Variants in CNTNAP2 observed in about 807,000 individuals in gnomAD.
CNTNAP2 encodes contactin associated protein 2, also known as contactin-associated protein-like 2.
A neutral mutation model predicts 155.2 loss-of-function variants in CNTNAP2; 98 were observed. The observed-to-expected ratio is 0.63, with a 90% CI of 0.54 to 0.75. The LOEUF (loss-of-function observed/expected upper bound fraction) is 0.75. CNTNAP2 is among the 30% of genes least tolerant of loss of function. The probability of loss-of-function intolerance (pLI) is 0.00; values close to 1 mark genes in which losing one functional copy is unlikely to be tolerated. For synonymous variants in CNTNAP2, 651 were observed against 631.2 expected (o/e 1.03, Z -0.47); for missense variants, 1,727 against 1,688.1 (o/e 1.02, Z -0.40).
chr7:146,505,461 C>T (rs1797369240), intron 1 of CNTNAP2, among the ~76,000 whole-genome samples: 2 of 152,218 alleles, frequency 1.3e-5, no homozygotes, highest in African/African-American at 4.8e-5. Flanking sequence ...TTCAGCACCC[C>T]ATGGTTCCTT....
chr7:146,343,826 C>T (rs1584879518), intron 1 of CNTNAP2, among the ~76,000 whole-genome samples: 1 of 151,956 alleles, frequency 6.6e-6, no homozygotes, highest in African/African-American at 2.4e-5. Context: ...TTAGTTTTTA[C>T]TCTTATCTAT....
intron 18 of CNTNAP2, among the ~76,000 whole-genome samples, chr7:148,204,778 C>T (rs918248237): frequency 1.3e-5 from 2 of 152,174 alleles, no homozygotes; most frequent in South Asian, 2.1e-4. Flanking sequence ...TTTGCACAAT[C>T]GTCGCCTAGA....
chr7:146,359,358 A>G (rs1249218711), intron 1 of CNTNAP2, among the ~76,000 whole-genome samples: 1 of 152,270 alleles, frequency 6.6e-6, no homozygotes, highest in Non-Finnish European at 1.5e-5. Flanking sequence ...GGCTTCAGTC[A>G]TCTCATCTGT....
intron 3 of CNTNAP2, among the ~76,000 whole-genome samples, chr7:146,961,240 C>A (rs1056402545): frequency 6.6e-6 from 1 of 152,074 alleles, no homozygotes; most frequent in Non-Finnish European, 1.5e-5. Flanking sequence ...TAGTAGTGAC[C>A]CCTGCAGGCA....
intron 1 of CNTNAP2, among the ~76,000 whole-genome samples, chr7:146,171,343 C>T (rs1192369761): frequency 6.6e-6 from 1 of 151,878 alleles, no homozygotes; most frequent in Non-Finnish European, 1.5e-5. Context: ...TTTCTTTGAG[C>T]CTATTTCTTT....
intron 13 of CNTNAP2, among the ~76,000 whole-genome samples, chr7:147,809,662 C>T (rs1244322050): frequency 1.3e-5 from 2 of 152,178 alleles, no homozygotes; most frequent in African/African-American, 2.4e-5. Context: ...GCTGCAGTTT[C>T]TCTTATCAGT....
intron 1 of CNTNAP2, among the ~76,000 whole-genome samples, chr7:146,368,328 T>C (rs1188062808): frequency 6.6e-6 from 1 of 152,150 alleles, no homozygotes; most frequent in African/African-American, 2.4e-5. Flanking sequence ...TATGTATGCA[T>C]ATAAAACAAA....
intron 1 of CNTNAP2, among the ~76,000 whole-genome samples, chr7:146,217,072 C>G (rs763157418): frequency 6.6e-6 from 1 of 152,166 alleles, no homozygotes; most frequent in Non-Finnish European, 1.5e-5. Flanking sequence ...TTTTAACTTT[C>G]CTTCCATGAC....
At chr7:147,781,235 A>G (rs960815899) in intron 13 of CNTNAP2, among the ~76,000 whole-genome samples, 3 of 152,198 alleles carry the variant, frequency 2.0e-5, no homozygotes, top group African/African-American at 7.2e-5. Flanking sequence ...GACTGCTGAC[A>G]TTTCATTTAC....
chr7:147,133,642 A>G (rs774780240), intron 8 of CNTNAP2, among the ~76,000 whole-genome samples: 1 of 152,012 alleles, frequency 6.6e-6, no homozygotes, highest in African/African-American at 2.4e-5. Flanking sequence ...GTTGAATTCA[A>G]TACTCTGACC....
At chr7:147,783,458 C>A (rs2116559209) in intron 13 of CNTNAP2, among the ~76,000 whole-genome samples, 1 of 152,270 alleles carries the variant, frequency 6.6e-6, no homozygotes, top group East Asian at 1.9e-4. Flanking sequence ...ATGTTGAGAT[C>A]AAAATCCTTT....
intron 13 of CNTNAP2, among the ~76,000 whole-genome samples, chr7:147,883,582 T>A (rs1799557284): frequency 6.6e-6 from 1 of 152,076 alleles, no homozygotes; most frequent in Admixed American, 6.5e-5. Flanking sequence ...CATAGAAAAA[T>A]TGCAGCTATT....
intron 14 of CNTNAP2, among the ~76,000 whole-genome samples, chr7:147,976,896 T>C (rs552282667): frequency 6.6e-6 from 1 of 151,732 alleles, no homozygotes; most frequent in South Asian, 2.1e-4. Context: ...AATTGTTATT[T>C]CTATTCAGAC....
intron 1 of CNTNAP2, among the ~76,000 whole-genome samples, chr7:146,574,797 T>TCTTACTTTCTTCTTC (rs1798498132): frequency 1.3e-5 from 2 of 152,188 alleles, no homozygotes; most frequent in Non-Finnish European, 2.9e-5. Flanking sequence ...TCTTTTTCTT[T>TCTTACTTTCTTCTTC]CTTACTTTCT....
At chr7:148,217,137 G>A in intron 18 of CNTNAP2, 151 bp from the exon 19 acceptor site, 1 of 676,468 alleles carries the variant, frequency 1.5e-6, no homozygotes, top group Non-Finnish European at 2.6e-6. Context: ...GAGTATTTGT[G>A]TTGATGCAAT....
chr7:146,814,181 T>C (rs1393637487), intron 2 of CNTNAP2, among the ~76,000 whole-genome samples: 1 of 151,982 alleles, frequency 6.6e-6, no homozygotes, highest in African/African-American at 2.4e-5. Flanking sequence ...CTGTACTGAG[T>C]TTGAATGAGA....
chr7:147,166,059 A>G (rs1305276283), intron 8 of CNTNAP2, among the ~76,000 whole-genome samples: 1 of 152,200 alleles, frequency 6.6e-6, no homozygotes, highest in Non-Finnish European at 1.5e-5. Flanking sequence ...AAGTCATTAC[A>G]TGAAAAAGAT....
At chr7:147,271,620 C>T (rs1300258657) in intron 8 of CNTNAP2, among the ~76,000 whole-genome samples, 4 of 152,028 alleles carry the variant, frequency 2.6e-5, no homozygotes, top group East Asian at 1.9e-4. Flanking sequence ...TGATGGAAGG[C>T]GAAAAGCATG....
chr7:146,842,435 C>A (rs116107553), intron 3 of CNTNAP2, among the ~76,000 whole-genome samples: 2,508 of 152,082 alleles, frequency 0.016, 80 homozygotes, highest in African/African-American at 0.056. Context: ...GTAGTGAGCT[C>A]ATTATAAAAT....
Sources: gnomAD v4.1 joint callset for allele counts (sites outside exome capture counted in the v4.1 genomes callset) on GRCh38, gnomAD v4.1.1 for gene constraint, MANE v1.5 for transcripts, NCBI Gene and HGNC (gene_info 2026-07-23, HGNC 2026-07-21) for gene names.